MFSD11: variants seen among roughly 807,000 people sequenced by gnomAD.
MFSD11 encodes UNC93-like protein MFSD11.
In MFSD11, 36 loss-of-function variants were observed where a neutral mutation model predicts 53.5. That is an observed-to-expected ratio of 0.67 (90% CI 0.52 to 0.89). The LOEUF is 0.89. MFSD11 is among the 40% of genes least tolerant of loss of function. The pLI, the probability that MFSD11 is intolerant of heterozygous loss-of-function variation, is 0.00. For missense variants in MFSD11, 530 were observed against 543.9 expected (o/e 0.97, Z 0.25); for synonymous variants, 186 against 184.9 (o/e 1.01, Z -0.05).
intron 8 of MFSD11, among the ~76,000 whole-genome samples, chr17:76,760,528 T>C (rs932514875): frequency 2.5e-5 from 3 of 121,110 alleles, no homozygotes; most frequent in Admixed American, 7.5e-5. Flanking sequence ...GTTTTCTTTC[T>C]TTTTTTTTTT....
the MFSD11 span, among the ~76,000 whole-genome samples, chr17:76,787,379 C>T: frequency 1.3e-5 from 2 of 149,788 alleles, no homozygotes; most frequent in Non-Finnish European, 3.0e-5. Flanking sequence ...TCAGGTGATC[C>T]ACCCACCTTG....
chr17:76,747,391 A>G (rs1017614722), intron 7 of MFSD11, among the ~76,000 whole-genome samples: 1 of 151,256 alleles, frequency 6.6e-6, no homozygotes, highest in African/African-American at 2.4e-5. Context: ...CTGGAGTGCA[A>G]TGGCGTAGTC....
At chr17:76,755,728 A>C (rs2079497681) in intron 8 of MFSD11, among the ~76,000 whole-genome samples, 1 of 131,902 alleles carries the variant, frequency 7.6e-6, no homozygotes, top group South Asian at 2.7e-4. Flanking sequence ...ATATGTGTAT[A>C]TGTATATATA....
chr17:76,748,269 G>A (rs1159758616), intron 7 of MFSD11, among the ~76,000 whole-genome samples: 1 of 152,144 alleles, frequency 6.6e-6, no homozygotes, highest in Non-Finnish European at 1.5e-5. Context: ...AGCCAAGATA[G>A]GAGGTTTGTG....
At chr17:76,797,495 C>T in the MFSD11 span, among the ~76,000 whole-genome samples, 1 of 152,154 alleles carries the variant, frequency 6.6e-6, no homozygotes. Flanking sequence ...TTGAGGATGA[C>T]TAAAGTTCCC....
rs1301076258 is a variant in MFSD11, at chr17:76,756,443, A to T, written c.682+2356A>T. Among the ~76,000 whole-genome samples, 4 of 152,204 alleles carry T rather than the reference A, an allele frequency of 2.6e-5. 1 individual carries two copies. The East Asian group carries it at 5.8e-4, about 22-fold the overall frequency. On this transcript the variant is annotated intron_variant, in intron 8 of 12. Transcript: ENST00000685175. Reference sequence around the variant, plus strand: ...CTGGCTCGGGAATGCATTTATAATTATAAATTGAGCCACACGTGATAATTA... The same window carrying T: ...CTGGCTCGGGAATGCATTTATAATTTTAAATTGAGCCACACGTGATAATTA...
intron 2 of MFSD11, among the ~76,000 whole-genome samples, chr17:76,739,737 A>G (rs1301126007): frequency 6.6e-6 from 1 of 152,168 alleles, no homozygotes; most frequent in Middle Eastern, 3.2e-3. Context: ...CCACAAACCC[A>G]TAACTCATAC....
At position 76,741,057 on chromosome 17, in the gene MFSD11, T is replaced by C; in HGVS notation, c.253T>C (p.Phe85Leu). The change falls in exon 3 of 13, where the codon TTT becomes CTT. Residue 85 changes from phenylalanine to leucine, a missense_variant. Coordinates refer to ENST00000685175, the MANE Select transcript of MFSD11 (RefSeq NM_001242532.5). ...PQLSMFASGL[F>L]YSMYIAVFIQ... ...ACTCTCTATGTTTGCCAGTGGTTTA[T>C]TTTACAGGTAAGTAGTGTAATCTTG... The C allele has an allele frequency of 6.3e-7, 1 of 1,579,908 alleles. No individual in the cohort carries two copies. Among genetic ancestry groups the C allele is most frequent in the Non-Finnish European group, 8.7e-7 (1 of 1,148,962 alleles).
intron 8 of MFSD11, among the ~76,000 whole-genome samples, chr17:76,760,875 A>G (rs1350823177): frequency 6.6e-6 from 1 of 152,022 alleles, no homozygotes; most frequent in Non-Finnish European, 1.5e-5. Flanking sequence ...ATAATTCTCA[A>G]TATTATGGGC....
intron 8 of MFSD11, among the ~76,000 whole-genome samples, chr17:76,758,954 C>A (rs1169055071): frequency 6.6e-6 from 1 of 151,952 alleles, no homozygotes; most frequent in African/African-American, 2.4e-5. Context: ...TTGATTAACA[C>A]AAATTTTGAG....
At chr17:76,799,027 CAAAAA>C in the MFSD11 span, 5 of 99,106 alleles carry the variant, frequency 5.0e-5, no homozygotes, top group Admixed American at 1.1e-4. Context: ...AACTCCATCT[CAAAAA>C]AAAAAAAAAA....
Position 76,756,861 on chromosome 17 carries a change from G to GAA in MFSD11, c.682+2789_682+2790dup, listed in dbSNP as rs912586788. Among the ~76,000 whole-genome samples the GAA allele has an allele frequency of 1.7e-4, 17 of 100,650 alleles. No individual in the cohort carries two copies. The South Asian group carries it at 2.4e-3, about 14-fold the overall frequency. The allele number at this position is 100,650 out of a possible 152,430, so 66.0% of individuals were successfully genotyped here. A position where few individuals can be genotyped will look rare whatever the true frequency, so the allele number is the denominator to read the frequency against. ...GGCGACAGAGTGAGACTCCATCTCA[G>GAA]AAAAAAAAAAAAAAAAGAATACCCA... On this transcript the variant is annotated intron_variant, in intron 8 of 12. Transcript: ENST00000685175.
intron 12 of MFSD11, among the ~76,000 whole-genome samples, chr17:76,777,541 GTTTCTTATTTT>G (rs2144946670): frequency 1.3e-5 from 2 of 151,932 alleles, no homozygotes; most frequent in East Asian, 3.9e-4. Context: ...GCTATATTGT[GTTTCTTATTTT>G]ATTTTATTTT....
intron 2 of MFSD11, 136 bp from the exon 3 acceptor site, chr17:76,740,821 A>C (rs2078001049): frequency 1.6e-6 from 1 of 611,996 alleles, no homozygotes; most frequent in Non-Finnish European, 2.9e-6. Flanking sequence ...GAATGATATA[A>C]CTATCATAAA....
intron 8 of MFSD11, among the ~76,000 whole-genome samples, chr17:76,756,886 A>G (rs568478284): frequency 1.2e-4 from 18 of 151,816 alleles, no homozygotes; most frequent in Admixed American, 1.2e-3. Context: ...AAGAATACCC[A>G]TTATTGATCA....
intron 7 of MFSD11, among the ~76,000 whole-genome samples, chr17:76,752,545 A>G (rs887816637): frequency 1.3e-5 from 2 of 151,752 alleles, no homozygotes; most frequent in African/African-American, 2.4e-5. Flanking sequence ...ACCCTGCTAA[A>G]TTTTTTTGTA....
intron 7 of MFSD11, among the ~76,000 whole-genome samples, chr17:76,745,706 C>G (rs2078472894): frequency 6.6e-6 from 1 of 152,324 alleles, no homozygotes; most frequent in East Asian, 1.9e-4. Context: ...CCTCCCTCTT[C>G]TCCTGAGACA....
At chr17:76,741,947 A>G (rs1329567069) in intron 3 of MFSD11, 22 bp from the exon 4 acceptor site, 1 of 1,614,052 alleles carries the variant, frequency 6.2e-7, no homozygotes, top group Non-Finnish European at 8.5e-7. Flanking sequence ...TGACTGTAAT[A>G]CCTTGACCTG....
intron 11 of MFSD11, 55 bp downstream of exon 11, chr17:76,775,226 G>A: frequency 6.5e-7 from 1 of 1,528,008 alleles, no homozygotes; most frequent in Non-Finnish European, 8.9e-7. Context: ...GGTAACGGAT[G>A]GCTAGATACT....
Sources: gnomAD v4.1 joint callset for allele counts (sites outside exome capture counted in the v4.1 genomes callset) on GRCh38, gnomAD v4.1.1 for gene constraint, MANE v1.5 for transcripts, NCBI Gene and HGNC (gene_info 2026-07-23, HGNC 2026-07-21) for gene names.